ODF2: variants seen among roughly 807,000 people sequenced by gnomAD.
ODF2 encodes the protein outer dense fiber protein 2.
Under a neutral mutation model 110.2 loss-of-function variants are expected in ODF2, and 47 were observed. That is an observed-to-expected ratio of 0.43 (90% CI 0.34 to 0.54). The LOEUF (loss-of-function observed/expected upper bound fraction) is 0.54, where lower values mean the gene tolerates loss of function less well. ODF2 is among the 20% of genes least tolerant of loss of function. ODF2 has a pLI of 0.03. For missense variants in ODF2, 812 were observed against 1,054.5 expected, an observed-to-expected ratio of 0.77 and a Z score of 3.19; for synonymous variants, 352 against 397.7, an observed-to-expected ratio of 0.89 and a Z score of 1.37.
intron 18 of ODF2, chr9:128,497,444 AAAATATATATATAT>A (rs1427796620): frequency 1.4e-5 from 1 of 72,256 alleles, no homozygotes; most frequent in East Asian, 4.8e-4. Flanking sequence ...AAAAAAAAAA[AAAATATATATATAT>A]ATATATATAT....
chr9:128,492,753 G>A (rs1191013821), exon 16 of ODF2: 2 of 1,614,086 alleles, frequency 1.2e-6, no homozygotes, highest in Admixed American at 3.3e-5. Context: ...CTAGAACGCT[G>A]TGACAAAGAG....
Position 128,484,689 on chromosome 9 carries a change from TC to T in ODF2, c.1105-7del. 6 of 1,553,468 alleles carry T rather than the reference TC, an allele frequency of 3.9e-6. No individual in the cohort carries two copies. The highest frequency in any genetic ancestry group is 5.2e-6 in the Non-Finnish European group (6 of 1,148,034). On this transcript the variant is annotated splice_polypyrimidine_tract_variant and intron_variant, in intron 11 of 20. Transcript: ENST00000604420. ...TCTTCTCCCTCTCTTTCTCACCCCTTCCCCCTTCCAGAATCTGGAGCGCAGC... is the reference window on the plus strand; with the variant it reads ...TCTTCTCCCTCTCTTTCTCACCCCTTCCCCTTCCAGAATCTGGAGCGCAGC...
At position 128,456,168 on chromosome 9, in the gene ODF2, C is replaced by T. The variant is rs892413842; in HGVS notation, c.-296C>T. 5.2e-6 allele frequency: 8 copies of T among 1,549,184 alleles called. No homozygotes were observed. The African/African-American group carries it at 8.2e-5, about 16-fold the overall frequency. ...GCCGCTGCCAGAGCCAGACTGCATC[C>T]GCCGCGGCGTCTCCATGGCACGACC... On this transcript the variant is annotated 5_prime_UTR_variant, in exon 1 of 21. Coordinates refer to ENST00000604420, the Ensembl canonical transcript of ODF2.
chr9:128,460,702 G>A (rs764480328), intron 3 of ODF2, 36 bp downstream of exon 3: 1 of 1,612,190 alleles, frequency 6.2e-7, no homozygotes, highest in Non-Finnish European at 8.5e-7. Flanking sequence ...TAGTAGCTGT[G>A]GATCTGGGTG....
chr9:128,473,782 C>T, intron 8 of ODF2, 41 bp downstream of exon 8: 1 of 1,559,176 alleles, frequency 6.4e-7, no homozygotes, highest in African/African-American at 1.4e-5. Context: ...GCTCTGCATG[C>T]CCATCCTCTC....
chr9:128,491,866 CTTTTTTT>C (rs753406341), intron 14 of ODF2, among the ~76,000 whole-genome samples: 1 of 130,952 alleles, frequency 7.6e-6, no homozygotes, highest in Non-Finnish European at 1.7e-5. Context: ...TCCCCATTTT[CTTTTTTT>C]TTTTTTTTTT....
intron 8 of ODF2, among the ~76,000 whole-genome samples, chr9:128,475,337 T>C (rs552668545): frequency 4.0e-5 from 6 of 151,740 alleles, no homozygotes; most frequent in African/African-American, 1.2e-4. Context: ...ATGACTGTAG[T>C]TCTTTTCTTA....
chr9:128,455,374 AC>A (rs1834562942), upstream of ODF2: 2 of 540,646 alleles, frequency 3.7e-6, no homozygotes, highest in East Asian at 6.8e-5. Context: ...ACACGGTGAA[AC>A]CCCGTCTCTA....
chr9:128,466,155 A>C (rs1191687130), intron 4 of ODF2, among the ~76,000 whole-genome samples: 2 of 150,072 alleles, frequency 1.3e-5, no homozygotes, highest in African/African-American at 2.5e-5. Context: ...AAAACAAAAA[A>C]AACGGAAAAG....
At position 128,494,484 on chromosome 9, in the gene ODF2, C is replaced by T. The variant is rs920557351; in HGVS notation, c.1753-26C>T. On this transcript the variant is annotated intron_variant, in intron 16 of 20. Transcript: ENST00000604420. This position sits in a 1 kb window ranked among gnomAD's most constrained non-coding sequence, Gnocchi z 4.6. The stretch of plus-strand genomic sequence containing the variant: ...TTTCCTAACTGTGGGTCTTTCCTTC[C>T]TGTGGGTCTTTCCTTCCTGTTTCAG... The T allele has an allele frequency of 4.3e-6, 7 of 1,610,372 alleles. No homozygotes were observed. Among genetic ancestry groups the T allele is most frequent in the Non-Finnish European group, 5.9e-6 (7 of 1,177,048 alleles).
intron 17 of ODF2, among the ~76,000 whole-genome samples, chr9:128,495,149 G>C (rs534235510): frequency 1.2e-4 from 19 of 152,338 alleles, no homozygotes; most frequent in Admixed American, 6.5e-4. Flanking sequence ...CATGCCTACG[G>C]CCTGCAGTGT....
rs374077583 is a variant in ODF2, at chr9:128,460,641, C to T, written c.124-301C>T. 4.2e-5 allele frequency: 67 copies of T among 1,613,988 alleles called. No individual in the cohort carries two copies. Among genetic ancestry groups the T allele is most frequent in the Non-Finnish European group, 4.6e-5 (54 of 1,180,028 alleles). On this transcript the variant is annotated intron_variant, in intron 3 of 20. Transcript: ENST00000604420. ...GTCCACGTCCACATAAAAAAACTCC[C>T]GAAACCATCAGCGACCAGCAGCCAG...
chr9:128,498,250 GT>G, intron 18 of ODF2, 162 bp from the exon 19 acceptor site: 1 of 1,097,656 alleles, frequency 9.1e-7, no homozygotes, highest in Non-Finnish European at 1.2e-6. Context: ...CAGTTCTTTG[GT>G]CGCCTTGCTG....
exon 19 of ODF2, chr9:128,498,567 A>G: frequency 6.4e-7 from 1 of 1,569,684 alleles, no homozygotes; most frequent in South Asian, 1.1e-5. Context: ...TGAAGATGCG[A>G]GGAGGCAGGT....
rs1471121467 is a variant in ODF2, at chr9:128,467,273, G to A, written c.250-1910G>A. Among the ~76,000 whole-genome samples the A allele has an allele frequency of 3.3e-5, 5 of 151,270 alleles. No homozygotes were observed. In the East Asian group the frequency reaches 5.8e-4, roughly 18 times the overall value. ...CTGTAGGCAACTAACACAATGGTAA[G>A]TATTTGCATATTGAAACATAGTAAA... On this transcript the variant is annotated intron_variant, in intron 4 of 20. Transcript: ENST00000604420.
chr9:128,461,688 G>A (rs1246535574), intron 4 of ODF2, among the ~76,000 whole-genome samples: 1 of 152,076 alleles, frequency 6.6e-6, no homozygotes, highest in African/African-American at 2.4e-5. Flanking sequence ...CAAGGTGTTG[G>A]GATTACAGGC....
intron 14 of ODF2, among the ~76,000 whole-genome samples, chr9:128,489,505 G>T (rs1369987538): frequency 6.6e-6 from 1 of 152,160 alleles, no homozygotes; most frequent in East Asian, 1.9e-4. Context: ...TGAATAGTTT[G>T]AATATCCCTG....
chr9:128,495,975 T>A lies in ODF2; in HGVS notation c.1912-66T>A. The A allele has an allele frequency of 2.5e-6, 4 of 1,585,468 alleles. No individual in the cohort carries two copies. In the South Asian group the frequency reaches 4.5e-5, roughly 18 times the overall value. On this transcript the variant is annotated intron_variant, in intron 17 of 20. Coordinates refer to ENST00000604420, the Ensembl canonical transcript of ODF2. ...TTTCCTGGGTGTGGACAACAGGTCA[T>A]AGGGAAAGGGGAGGGCTCTAGCGGG...
chr9:128,460,315 C>T, intron 3 of ODF2: 1 of 1,417,414 alleles, frequency 7.1e-7, no homozygotes, highest in Non-Finnish European at 9.3e-7. Context: ...TCTTGCAGAC[C>T]CTCTCTTGAG....
Sources: allele counts gnomAD v4.1 joint callset (sites outside exome capture counted in the v4.1 genomes callset), GRCh38; gene constraint gnomAD v4.1.1; non-coding constraint Gnocchi (gnomAD v3.1); transcripts MANE v1.5; gene names NCBI Gene and HGNC (gene_info 2026-07-23, HGNC 2026-07-21).